The following SENP5 variants were observed in gnomAD, a reference collection of about 807,000 sequenced individuals.
SENP5 encodes sentrin-specific protease 5.
Under a neutral mutation model 74.2 loss-of-function variants are expected in SENP5, and 21 were observed. The observed-to-expected ratio is 0.28, with a 90% CI of 0.20 to 0.41. The LOEUF is 0.41. SENP5 is among the 10% of genes least tolerant of loss of function. SENP5 has a pLI of 1.00. For missense variants in SENP5, 717 were observed against 889.1 expected (o/e 0.81, Z 2.46); for synonymous variants, 311 against 312.7 (o/e 0.99, Z 0.06).
At chr3:196,875,658 G>C (rs1489865652) in intron 1 of SENP5, among the ~76,000 whole-genome samples, 1 of 152,134 alleles carries the variant, frequency 6.6e-6, no homozygotes, top group Non-Finnish European at 1.5e-5. Context: ...AATTTCTTCA[G>C]AGAGGTGTTT....
rs1374363182 is a variant in SENP5, at chr3:196,899,928, C to G, written c.1624C>G (p.Pro542Ala). The change falls in exon 4 of 10, where the codon CCA (proline) becomes GCA (alanine). Residue 542 changes from proline to alanine, a missense_variant. This residue lies in a region of SENP5 where 64 missense variants were observed against 100.8 expected (regional missense o/e 0.64). Transcript: ENST00000323460. ...VFNEDFSNRK[P>A]FINREITNYR... ...TTCAAAATCTTTCTCTTTCAGAAAA[C>G]CATTTATCAATAGGGAAATAACAAA... 5 of 1,613,114 alleles carry G rather than the reference C, an allele frequency of 3.1e-6. No homozygotes were observed.
At chr3:196,871,855 CAAAA>C (rs10714946) in intron 1 of SENP5, among the ~76,000 whole-genome samples, 2 of 105,826 alleles carry the variant, frequency 1.9e-5, no homozygotes, top group South Asian at 2.9e-4. Flanking sequence ...ACTCCATCTC[CAAAA>C]AAAAAAAAAA....
chr3:196,886,978 T>C (rs1409195100), intron 2 of SENP5, among the ~76,000 whole-genome samples: 3 of 152,212 alleles, frequency 2.0e-5, no homozygotes, highest in East Asian at 1.9e-4. Context: ...ATTATTAGAA[T>C]TGATGGTGAA....
At chr3:196,928,798 T>C (rs1379157422) in intron 8 of SENP5, among the ~76,000 whole-genome samples, 3 of 152,214 alleles carry the variant, frequency 2.0e-5, no homozygotes, top group Non-Finnish European at 4.4e-5. Flanking sequence ...CTAGTAAATT[T>C]CCTGAATTTA....
Position 196,933,617 on chromosome 3 carries a change from T to C in SENP5, c.*2694T>C, listed in dbSNP as rs1375652227. 1 of 152,142 alleles carries C rather than the reference T, an allele frequency of 6.6e-6. No homozygotes were observed. Among genetic ancestry groups the C allele is most frequent in the African/African-American group, 2.4e-5 (1 of 41,378 alleles). The allele number at this position is 152,142 out of a possible 1,614,324, so 9.4% of individuals were successfully genotyped here. On this transcript the variant is annotated 3_prime_UTR_variant, in exon 10 of 10. Transcript: ENST00000323460. ...TAGGCAGACCTTATGCTTTTTTTTTTTGAGACGGAGTCTTGCTCTGTTGCC... is the reference window on the plus strand; with the variant it reads ...TAGGCAGACCTTATGCTTTTTTTTTCTGAGACGGAGTCTTGCTCTGTTGCC...
At chr3:196,869,215 AG>A (rs1177807854) in intron 1 of SENP5, among the ~76,000 whole-genome samples, 15 of 150,518 alleles carry the variant, frequency 1.0e-4, no homozygotes, top group South Asian at 4.2e-4. Context: ...TTTTTTTTGG[AG>A]GGGGGACAGG....
At position 196,899,712 on chromosome 3, in the gene SENP5, C is replaced by T; in HGVS notation, c.1560C>T (p.Leu520=). 5 of 1,610,922 alleles carry T rather than the reference C, an allele frequency of 3.1e-6. No individual in the cohort carries two copies. Among genetic ancestry groups the T allele is most frequent in the Admixed American group, 3.3e-5 (2 of 59,970 alleles). The change falls in exon 3 of 10, where the codon CTC becomes CTT. Residue 520 remains leucine (L), a synonymous_variant. Transcript: ENST00000323460. The part of the protein sequence containing the change: ...VMKKYGSLVP[L]SEKEVLGRLK... ...AGAAGTATGGCAGTTTGGTTCCACT[C>T]AGTGAAAAAGAAGTCCTTGGAAGAT...
chr3:196,907,957 G>T (rs1714973799), intron 6 of SENP5, among the ~76,000 whole-genome samples: 2 of 151,904 alleles, frequency 1.3e-5, no homozygotes. Context: ...ATATGAAAAA[G>T]AAAGGTTGAA....
At chr3:196,899,554 GGTTAAC>G (rs1714608446) in intron 2 of SENP5, 106 bp from the exon 3 acceptor site, 1 of 637,744 alleles carries the variant, frequency 1.6e-6, no homozygotes, top group Non-Finnish European at 2.8e-6. Flanking sequence ...TAGTAATATA[GGTTAAC>G]CACTGTATGT....
intron 1 of SENP5, among the ~76,000 whole-genome samples, chr3:196,871,759 G>A (rs1237950905): frequency 6.6e-6 from 1 of 151,664 alleles, no homozygotes; most frequent in Non-Finnish European, 1.5e-5. Context: ...GGAGGCTGAG[G>A]CAGGAGAATC....
intron 6 of SENP5, 40 bp from the exon 7 acceptor site, chr3:196,923,374 C>A (rs756091856): frequency 3.4e-5 from 53 of 1,578,280 alleles, no homozygotes; most frequent in African/African-American, 6.9e-5. Flanking sequence ...TTTGGATAGC[C>A]TGTGGTGATG....
intron 6 of SENP5, chr3:196,914,586 A>AAAAAT: frequency 2.1e-4 from 7 of 33,500 alleles, no homozygotes; most frequent in Non-Finnish European, 3.0e-4. Context: ...AAAAAAAAAA[A>AAAAAT]ATATATATAT....
In SENP5 at chr3:196,885,829, G is replaced by A. The variant is rs1449427077; in HGVS notation, c.648G>A (p.Lys216=). Reference sequence around the variant, plus strand: ...ATGGGGGACCCTTGATTCCAAAAAAGTTCCAACTTAACCAACATAGAAGGA... The same window carrying A: ...ATGGGGGACCCTTGATTCCAAAAAAATTCCAACTTAACCAACATAGAAGGA... ...HRNGGPLIPK[K]FQLNQHRRIK... The change falls in exon 2 of 10, where the codon AAG becomes AAA. Residue 216 remains lysine, a synonymous_variant. Transcript: ENST00000323460. The A allele has an allele frequency of 2.5e-6, 4 of 1,614,062 alleles. No homozygotes were observed. The highest frequency in any genetic ancestry group is 3.4e-6 in the Non-Finnish European group (4 of 1,180,048).
chr3:196,933,949 C>T lies in SENP5; in HGVS notation c.*3026C>T, dbSNP rs4916586. On this transcript the variant is annotated 3_prime_UTR_variant, in exon 10 of 10. Coordinates refer to ENST00000323460, the MANE Select transcript of SENP5 (RefSeq NM_152699.5). ...GAGTGCAGGCCTTGTGATAACTAAG[C>T]GCTACTTTTGACGAGCCTTCAACAA... is the stretch of plus-strand genomic sequence containing the variant. The T allele has an allele frequency of 0.22, 33,331 of 152,030 alleles. 3,795 individuals carry two copies. The highest frequency in any genetic ancestry group is 0.28 in the African/African-American group (11,613 of 41,448). The allele number at this position is 152,030 out of a possible 1,614,324, so 9.4% of individuals were successfully genotyped here. A position where few individuals can be genotyped will look rare whatever the true frequency, so the allele number is the denominator to read the frequency against.
intron 7 of SENP5, among the ~76,000 whole-genome samples, chr3:196,927,482 C>T (rs563047672): frequency 1.5e-4 from 23 of 152,034 alleles, no homozygotes; most frequent in African/African-American, 4.1e-4. Context: ...AATAAAGTCC[C>T]GGCTTTAGCC....
chr3:196,878,483 A>G (rs999534297), intron 1 of SENP5, among the ~76,000 whole-genome samples: 12 of 152,180 alleles, frequency 7.9e-5, no homozygotes, highest in Admixed American at 5.9e-4. Context: ...TTTTCCTGAC[A>G]TAGTTCTCAG....
At chr3:196,923,042 C>T (rs539801148) in intron 6 of SENP5, among the ~76,000 whole-genome samples, 16 of 152,252 alleles carry the variant, frequency 1.1e-4, no homozygotes, top group Admixed American at 7.2e-4. Flanking sequence ...TGTGAGCCAC[C>T]GTGCCTGGCC....
Position 196,885,386 on chromosome 3 carries a change from A to G in SENP5, c.205A>G (p.Thr69Ala), listed in dbSNP as rs1713911546. ...AAAGAAAGCTCTTCAAATCCAGAAAACGTGGATCAAGGATGAACCCCTTTG... is the reference window on the plus strand; with the variant it reads ...AAAGAAAGCTCTTCAAATCCAGAAAGCGTGGATCAAGGATGAACCCCTTTG... ...GRKKALQIQKTWIKDEPLCAK... is the reference protein window; with the variant it reads ...GRKKALQIQKAWIKDEPLCAK... The change falls in exon 2 of 10, where the codon ACG (threonine) becomes GCG (alanine). Residue 69 changes from threonine to alanine, a missense_variant. By Grantham distance (58) the Thr-to-Ala change is moderately conservative. Around this residue, in one of 4 missense-constraint regions of SENP5, gnomAD observed 567 missense variants for 577.4 expected, o/e 0.98. Coordinates refer to ENST00000323460, the MANE Select transcript of SENP5 (RefSeq NM_152699.5). 1 of 1,614,066 alleles carries G rather than the reference A, an allele frequency of 6.2e-7. No homozygotes were observed. Among genetic ancestry groups the G allele is most frequent in the Non-Finnish European group, 8.5e-7 (1 of 1,180,032 alleles).
rs1716047324 is a variant in SENP5 at position 196,931,785 on chromosome 3, A to T, written c.*862A>T. 3.1e-6 allele frequency: 1 copy of T among 324,902 alleles called. No homozygotes were observed. The allele number at this position is 324,902 out of a possible 1,614,324, so 20.1% of individuals were successfully genotyped here. A position where few individuals can be genotyped will look rare whatever the true frequency, so the allele number is the denominator to read the frequency against. Reference sequence around the variant, plus strand: ...GCAGCTGTTCTCAGAGTAATTTTTAAGTTGTCATTTCCCTGTGTTGCCTCC... The same window carrying T: ...GCAGCTGTTCTCAGAGTAATTTTTATGTTGTCATTTCCCTGTGTTGCCTCC... On this transcript the variant is annotated 3_prime_UTR_variant, in exon 10 of 10. Coordinates refer to ENST00000323460, the MANE Select transcript of SENP5 (RefSeq NM_152699.5).
Sources: gnomAD v4.1 joint callset for allele counts (sites outside exome capture counted in the v4.1 genomes callset) on GRCh38, gnomAD v4.1.1 for gene constraint, gnomAD v4.1.1 regional missense constraint, MANE v1.5 for transcripts, NCBI Gene and HGNC (gene_info 2026-07-23, HGNC 2026-07-21) for gene names.